The following SBF2 variants were observed in gnomAD, a reference collection of about 807,000 sequenced individuals.
SBF2 encodes SET binding factor 2.
In SBF2, 112 loss-of-function variants were observed where a neutral mutation model predicts 225.2. That is an observed-to-expected ratio of 0.50 (90% CI 0.43 to 0.58). The LOEUF is 0.58. Among genes scored for constraint, SBF2 ranks in the 20% least tolerant of loss-of-function variants. SBF2 has a pLI of 0.00. For synonymous variants in SBF2, 763 were observed against 773.3 expected, an observed-to-expected ratio of 0.99 and a Z score of 0.22; for missense variants, 1,996 against 2,206.2, an observed-to-expected ratio of 0.90 and a Z score of 1.91.
At chr11:9,993,136 A>G in intron 10 of SBF2, 33 bp from the exon 11 acceptor site, 1 of 1,502,404 alleles carries the variant, frequency 6.7e-7, no homozygotes, top group Non-Finnish European at 9.2e-7. Flanking sequence ...TAGGTAATTT[A>G]ACTTTTTAAA....
chr11:10,261,912 A>G (rs1961475320), intron 1 of SBF2, among the ~76,000 whole-genome samples: 1 of 152,226 alleles, frequency 6.6e-6, no homozygotes, highest in African/African-American at 2.4e-5. Flanking sequence ...GTTCTAGAAT[A>G]GGAAAAATTA....
At chr11:10,273,984 C>G (rs1215414329) in intron 1 of SBF2, among the ~76,000 whole-genome samples, 1 of 152,226 alleles carries the variant, frequency 6.6e-6, no homozygotes, top group Non-Finnish European at 1.5e-5. Context: ...AAGGAGGAAA[C>G]TATACCTTGC....
rs148950690 is a variant in SBF2, at chr11:10,198,667, C to T, written c.56-4680G>A. 1.6e-4 allele frequency among the ~76,000 whole-genome samples: 24 copies of T among 152,372 alleles called. 1 individual carries two copies. Among genetic ancestry groups the T allele is most frequent in the African/African-American group, 5.3e-4 (22 of 41,590 alleles). Reference sequence around the variant, plus strand: ...TCCTAGATGGCATCTTCTTCCAATACAGCCTGTTTCGTCTACACTGTTACT... The same window carrying T: ...TCCTAGATGGCATCTTCTTCCAATATAGCCTGTTTCGTCTACACTGTTACT... On this transcript the variant is annotated intron_variant, in intron 1 of 39. Coordinates refer to ENST00000256190, the MANE Select transcript of SBF2 (RefSeq NM_030962.4).
chr11:10,207,946 G>C (rs1957800709), intron 1 of SBF2, among the ~76,000 whole-genome samples: 1 of 152,068 alleles, frequency 6.6e-6, no homozygotes, highest in Non-Finnish European at 1.5e-5. Context: ...GTACATTAAA[G>C]CTATCAACAG....
chr11:9,917,584 G>T (rs932388699), intron 16 of SBF2, among the ~76,000 whole-genome samples: 1 of 151,456 alleles, frequency 6.6e-6, no homozygotes, highest in South Asian at 2.1e-4. Context: ...CACCCGCCTC[G>T]GCCTCCCAAA....
At chr11:10,290,022 A>T (rs918226369) in intron 1 of SBF2, among the ~76,000 whole-genome samples, 2 of 152,138 alleles carry the variant, frequency 1.3e-5, no homozygotes, top group African/African-American at 4.8e-5. Flanking sequence ...CACCGCCCGC[A>T]CCTCTTCGCT....
At chr11:10,001,168 GA>G in intron 7 of SBF2, 146 bp from the exon 8 acceptor site, 1 of 599,328 alleles carries the variant, frequency 1.7e-6, no homozygotes, top group Non-Finnish European at 3.0e-6. Flanking sequence ...TAAAATTTTG[GA>G]AAAAATGATT....
intron 1 of SBF2, among the ~76,000 whole-genome samples, chr11:10,241,892 G>A (rs1278861459): frequency 6.6e-6 from 1 of 151,970 alleles, no homozygotes; most frequent in Non-Finnish European, 1.5e-5. Flanking sequence ...TCTCCAATGG[G>A]AGAAAGAAAG....
intron 1 of SBF2, among the ~76,000 whole-genome samples, chr11:10,212,008 G>A (rs1317748797): frequency 2.0e-5 from 3 of 152,170 alleles, no homozygotes; most frequent in Non-Finnish European, 2.9e-5. Context: ...GGTAAAACCA[G>A]AGTTAGCAGG....
At chr11:10,193,872 T>C (rs1242151153) in intron 2 of SBF2, 30 bp downstream of exon 2, 3 of 1,398,648 alleles carry the variant, frequency 2.1e-6, no homozygotes, top group Non-Finnish European at 3.0e-6. Flanking sequence ...AGTAACATTA[T>C]AAATATGCAA....
Position 9,829,494 on chromosome 11 carries a change from G to A in SBF2, c.3655C>T (p.Pro1219Ser). 2 of 1,609,300 alleles carry A rather than the reference G, an allele frequency of 1.2e-6. No individual in the cohort carries two copies. The highest frequency in any genetic ancestry group is 1.7e-6 in the Non-Finnish European group (2 of 1,175,648). Residue 1219 changes from proline (P) to serine (S), a missense_variant and splice_region_variant, in exon 28 of 40, where the codon CCT (proline) becomes TCT (serine). By Grantham distance (74) the Pro-to-Ser change is moderately conservative (BLOSUM62 -1). Coordinates refer to ENST00000256190, the MANE Select transcript of SBF2 (RefSeq NM_030962.4). ...CTGGAAGATTCTAAAGAGGAGGTAGGAGCTATAAAAGGAAAATATATTGAA... is the reference window on the plus strand; with the variant it reads ...CTGGAAGATTCTAAAGAGGAGGTAGAAGCTATAAAAGGAAAATATATTGAA... The part of the protein sequence containing the change: ...FKSQNSPQAA[P>S]TSSLESSSSI...
intron 17 of SBF2, among the ~76,000 whole-genome samples, chr11:9,888,561 C>T (rs1051814593): frequency 2.6e-5 from 4 of 151,300 alleles, no homozygotes; most frequent in South Asian, 2.1e-4. Context: ...TACTATGTAA[C>T]GATTAAAGGG....
At chr11:9,785,096 A>G in intron 37 of SBF2, 29 bp downstream of exon 37, 1 of 1,608,232 alleles carries the variant, frequency 6.2e-7, no homozygotes. Flanking sequence ...GGAAGTCTTC[A>G]GCACAGCGAG....
chr11:9,991,518 G>C (rs1947437264), intron 12 of SBF2, among the ~76,000 whole-genome samples: 1 of 152,146 alleles, frequency 6.6e-6, no homozygotes, highest in African/African-American at 2.4e-5. Context: ...GGTTCTAGGA[G>C]TGTTGTTCTT....
At chr11:10,168,372 C>G (rs765189482) in intron 2 of SBF2, among the ~76,000 whole-genome samples, 12 of 152,178 alleles carry the variant, frequency 7.9e-5, no homozygotes, top group Non-Finnish European at 1.5e-4. Flanking sequence ...TAAGTACCTG[C>G]AAGCCAGCTG....
chr11:9,998,174 A>T, intron 9 of SBF2, 92 bp downstream of exon 9: 1 of 762,432 alleles, frequency 1.3e-6, no homozygotes, highest in Non-Finnish European at 2.3e-6. Flanking sequence ...AAATTAAAGT[A>T]ACAAACTGCA....
intron 13 of SBF2, among the ~76,000 whole-genome samples, chr11:9,972,798 T>C (rs146330074): frequency 6.6e-6 from 1 of 152,182 alleles, no homozygotes; most frequent in African/African-American, 2.4e-5. Context: ...AAGTTTTAAA[T>C]AGAGTCTTCC....
intron 1 of SBF2, among the ~76,000 whole-genome samples, chr11:10,275,700 A>AAT (rs1427094290): frequency 6.6e-6 from 1 of 152,122 alleles, no homozygotes; most frequent in Non-Finnish European, 1.5e-5. Flanking sequence ...CAAAAAAACC[A>AAT]ATACACTAGA....
intron 16 of SBF2, among the ~76,000 whole-genome samples, chr11:9,932,400 A>G (rs1354724753): frequency 1.3e-5 from 2 of 152,242 alleles, no homozygotes; most frequent in Non-Finnish European, 2.9e-5. Flanking sequence ...GGTTACCCAC[A>G]AAGGGAAGCC....
Sources: gnomAD v4.1 joint callset for allele counts (sites outside exome capture counted in the v4.1 genomes callset) on GRCh38, gnomAD v4.1.1 for gene constraint, MANE v1.5 for transcripts, NCBI Gene and HGNC (gene_info 2026-07-23, HGNC 2026-07-21) for gene names.